The following UQCC1 variants were observed in gnomAD, a reference collection of about 807,000 sequenced individuals.
UQCC1 encodes bFGF-repressed Zic-binding protein.
A neutral mutation model predicts 48.0 loss-of-function variants in UQCC1; 38 were observed. The observed-to-expected ratio is 0.79, with a 90% confidence interval of 0.61 to 1.04. UQCC1 has a LOEUF of 1.04. UQCC1 is among the 50% of genes least tolerant of loss of function. The pLI is 0.00. For missense variants in UQCC1, 368 were observed against 381.8 expected (o/e 0.96, Z 0.30); for synonymous variants, 111 against 129.2 (o/e 0.86, Z 0.95).
At position 35,388,449 on chromosome 20, in the gene UQCC1, C is replaced by T. The variant is rs116467331; in HGVS notation, c.130-4316G>A. 3.2e-3 allele frequency among the ~76,000 whole-genome samples: 489 copies of T among 151,586 alleles called. 1 individual carries two copies. Among genetic ancestry groups the T allele is most frequent in the African/African-American group, 0.011 (459 of 41,344 alleles). On this transcript the variant is annotated intron_variant, in intron 2 of 9. Transcript: ENST00000374385. ...TGGGAACACAGAGATCCAGCTATTCCGGATTTTTTGTAGAGATAGGGTCTT... is the reference window on the plus strand; with the variant it reads ...TGGGAACACAGAGATCCAGCTATTCTGGATTTTTTGTAGAGATAGGGTCTT...
chr20:35,375,731 G>A (rs868225453), intron 4 of UQCC1, among the ~76,000 whole-genome samples: 2 of 150,796 alleles, frequency 1.3e-5, no homozygotes, highest in Admixed American at 6.6e-5. Flanking sequence ...CAGGCAGATC[G>A]GCTGAGCCCA....
intron 7 of UQCC1, among the ~76,000 whole-genome samples, chr20:35,333,857 G>A (rs970448014): frequency 6.6e-6 from 1 of 152,126 alleles, no homozygotes; most frequent in African/African-American, 2.4e-5. Context: ...TAACCTTTCA[G>A]AAGTGAATAA....
Position 35,411,947 on chromosome 20 carries a change from C to G in UQCC1, c.17G>C (p.Arg6Pro), listed in dbSNP as rs1207331834. 1 of 1,614,222 alleles carries G rather than the reference C, an allele frequency of 6.2e-7. No homozygotes were observed. The highest frequency in any genetic ancestry group is 8.5e-7 in the Non-Finnish European group (1 of 1,180,048). The change falls in exon 1 of 10, where the codon CGA becomes CCA. Residue 6 changes from arginine to proline, a missense_variant. Coordinates refer to ENST00000374385, the MANE Select transcript of UQCC1 (RefSeq NM_018244.5). MALLV[R>P]VLRNQTSISQ... ...AATTACTCCTTCACTCACAAGGACT[C>G]GCACCAGCAACGCCATGTTCCTCAA...
At chr20:35,314,822 A>G in intron 7 of UQCC1, 57 bp from the exon 8 acceptor site, 1 of 1,443,842 alleles carries the variant, frequency 6.9e-7, no homozygotes, top group Non-Finnish European at 9.6e-7. Flanking sequence ...AAAAACCCAA[A>G]AAGTATGATC....
At chr20:35,387,757 A>G (rs1456286164) in intron 2 of UQCC1, among the ~76,000 whole-genome samples, 1 of 152,032 alleles carries the variant, frequency 6.6e-6, no homozygotes, top group East Asian at 1.9e-4. Flanking sequence ...AACTAAGACA[A>G]AGGGAGAGGT....
At chr20:35,337,817 T>C (rs2146361937) in intron 7 of UQCC1, among the ~76,000 whole-genome samples, 1 of 152,296 alleles carries the variant, frequency 6.6e-6, no homozygotes, top group South Asian at 2.1e-4. Context: ...ACTGTCCCCT[T>C]ATCTAACATG....
rs1181716607 is a variant in UQCC1 at position 35,364,063 on chromosome 20, A to C, written c.464+2494T>G. ...ACTTTCCTGGTGACCCTTCCACTAC[A>C]TTCCTCAATAAACCTGCCCCAGACA... On this transcript the variant is annotated intron_variant, in intron 6 of 9. Transcript: ENST00000374385. Among the ~76,000 whole-genome samples, 3 of 152,110 alleles carry C rather than the reference A, an allele frequency of 2.0e-5. No homozygotes were observed. In the East Asian group the frequency reaches 5.8e-4, roughly 29 times the overall value.
chr20:35,316,598 A>G (rs1036495001), intron 7 of UQCC1, among the ~76,000 whole-genome samples: 1 of 152,138 alleles, frequency 6.6e-6, no homozygotes, highest in Non-Finnish European at 1.5e-5. Context: ...TAGTTTTGCT[A>G]TGTACACAGG....
rs1396990599 is a variant in UQCC1, at chr20:35,303,609, C to CCTT, written c.*323_*325dup. 3.4e-6 allele frequency: 1 copy of CCTT among 297,592 alleles called. No individual in the cohort carries two copies. Among genetic ancestry groups the CCTT allele is most frequent in the Non-Finnish European group, 6.5e-6 (1 of 154,134 alleles). 18.4% of individuals were successfully genotyped at this position (297,592 alleles called of 1,614,324 possible). ...GTTTCCCTTTTGAACCTACACCATC[C>CCTT]CTTCCTTGGCCTTTGGGAAAAGCTA... On this transcript the variant is annotated 3_prime_UTR_variant, in exon 10 of 10. Coordinates refer to ENST00000374385, the MANE Select transcript of UQCC1 (RefSeq NM_018244.5).
intron 6 of UQCC1, among the ~76,000 whole-genome samples, chr20:35,361,975 A>G (rs1450058517): frequency 6.6e-6 from 1 of 152,186 alleles, no homozygotes; most frequent in Non-Finnish European, 1.5e-5. Context: ...TGTAAAATTA[A>G]TTTCTGCACT....
At chr20:35,306,470 C>A in intron 9 of UQCC1, 196 bp downstream of exon 9, 1 of 563,850 alleles carries the variant, frequency 1.8e-6, no homozygotes. Flanking sequence ...TCTCTCTTCC[C>A]ATTTCCCGCT....
intron 8 of UQCC1, chr20:35,309,147 A>G (rs1200952984): frequency 1.1e-5 from 5 of 455,968 alleles, no homozygotes; most frequent in East Asian, 7.0e-5. Context: ...AGAACCTGGC[A>G]TAGAGTGGGA....
chr20:35,311,880 G>C (rs1015173243), intron 8 of UQCC1, among the ~76,000 whole-genome samples: 4 of 152,184 alleles, frequency 2.6e-5, no homozygotes, highest in Non-Finnish European at 5.9e-5. Flanking sequence ...CGGGTGACTT[G>C]TTGAACCACC....
chr20:35,384,221 T>A, intron 2 of UQCC1, 88 bp from the exon 3 acceptor site: 1 of 1,205,070 alleles, frequency 8.3e-7, no homozygotes, highest in South Asian at 1.3e-5. Context: ...GACTATAGGA[T>A]CTTTCCAACC....
At chr20:35,355,313 T>A (rs1196782119) in intron 6 of UQCC1, among the ~76,000 whole-genome samples, 1 of 152,216 alleles carries the variant, frequency 6.6e-6, no homozygotes, top group Non-Finnish European at 1.5e-5. Context: ...AGTCTTCCTA[T>A]CAACCGGAAG....
intron 3 of UQCC1, among the ~76,000 whole-genome samples, chr20:35,383,224 A>G (rs2061897839): frequency 6.6e-6 from 1 of 152,218 alleles, no homozygotes. Context: ...ATAACCTCCA[A>G]GGAAAGTCTG....
chr20:35,398,117 C>T (rs1329958121), intron 1 of UQCC1, among the ~76,000 whole-genome samples: 1 of 152,156 alleles, frequency 6.6e-6, no homozygotes, highest in Non-Finnish European at 1.5e-5. Context: ...CCAGACAACC[C>T]AACTCTAGAA....
intron 1 of UQCC1, among the ~76,000 whole-genome samples, chr20:35,402,169 A>G (rs910456038): frequency 6.6e-6 from 1 of 151,796 alleles, no homozygotes; most frequent in Non-Finnish European, 1.5e-5. Context: ...CAGGCCGGGC[A>G]TAGTGGCTCA....
At position 35,314,699 on chromosome 20, in the gene UQCC1, C is replaced by G; in HGVS notation, c.640G>C (p.Gly214Arg). Residue 214 changes from glycine (G) to arginine (R), a missense_variant, in exon 8 of 10, where the codon GGA becomes CGA. Transcript: ENST00000374385. The stretch of plus-strand genomic sequence containing the variant: ...GCAAACAATCTTACCTCATCATATC[C>G]CAAGATCGCTGCATAGAAATGATTT... ...MTNHFYAAILGYDEGILSDDH... is the reference protein window; with the variant it reads ...MTNHFYAAILRYDEGILSDDH... 1 of 1,607,650 alleles carries G rather than the reference C, an allele frequency of 6.2e-7. No homozygotes were observed.
Sources: gnomAD v4.1 joint callset for allele counts (sites outside exome capture counted in the v4.1 genomes callset) on GRCh38, gnomAD v4.1.1 for gene constraint, MANE v1.5 for transcripts, NCBI Gene and HGNC (gene_info 2026-07-23, HGNC 2026-07-21) for gene names.